The following PLEKHA2 variants were observed in gnomAD, a reference collection of about 807,000 sequenced individuals.
The protein encoded by PLEKHA2 is pleckstrin homology domain containing A2, also known as pleckstrin homology domain-containing family A member 2.
PLEKHA2 carries 28 observed loss-of-function variants against 53.2 expected under a neutral mutation model. The observed-to-expected ratio is 0.53, with a 90% CI of 0.39 to 0.72. The LOEUF is 0.72. Among genes scored for constraint, PLEKHA2 ranks in the 30% least tolerant of loss-of-function variants. The probability of loss-of-function intolerance (pLI) is 0.00; values close to 1 mark genes in which losing one functional copy is unlikely to be tolerated. For synonymous variants in PLEKHA2, 193 were observed against 196.4 expected (o/e 0.98, Z 0.14); for missense variants, 426 against 537.9 (o/e 0.79, Z 2.06).
chr8:38,930,266 A>G (rs532013213), intron 2 of PLEKHA2, among the ~76,000 whole-genome samples: 2 of 152,064 alleles, frequency 1.3e-5, no homozygotes, highest in Non-Finnish European at 2.9e-5. Flanking sequence ...CAGTGGCGCA[A>G]TCTCGGCTCA....
intron 10 of PLEKHA2, among the ~76,000 whole-genome samples, chr8:38,968,152 T>C (rs1835175247): frequency 6.6e-6 from 1 of 152,172 alleles, no homozygotes; most frequent in Non-Finnish European, 1.5e-5. Context: ...GATTATTCTG[T>C]TCAGATAGTT....
At chr8:38,955,951 T>C (rs1314571191) in intron 9 of PLEKHA2, among the ~76,000 whole-genome samples, 1 of 152,154 alleles carries the variant, frequency 6.6e-6, no homozygotes, top group Non-Finnish European at 1.5e-5. Context: ...GCTGGGACTA[T>C]AGATGTGTGC....
intron 3 of PLEKHA2, among the ~76,000 whole-genome samples, chr8:38,941,616 G>T (rs1834614276): frequency 6.6e-6 from 1 of 152,194 alleles, no homozygotes; most frequent in Non-Finnish European, 1.5e-5. Flanking sequence ...TTTGCCCGTA[G>T]TTCCAGGTGG....
intron 5 of PLEKHA2, among the ~76,000 whole-genome samples, chr8:38,949,982 C>T (rs1007934377): frequency 6.6e-6 from 1 of 152,184 alleles, no homozygotes; most frequent in Non-Finnish European, 1.5e-5. Context: ...GCATTTTTAC[C>T]TGTTCAATCT....
chr8:38,948,290 A>C (rs1012961017), intron 5 of PLEKHA2, among the ~76,000 whole-genome samples: 9 of 152,192 alleles, frequency 5.9e-5, no homozygotes, highest in Admixed American at 2.0e-4. Context: ...AGGTCGTGAC[A>C]TGCAGCAACA....
rs1048793087 is a variant in PLEKHA2, at chr8:38,970,089, G to C, written c.*306G>C. 1.5e-5 allele frequency: 7 copies of C among 473,166 alleles called. No homozygotes were observed. The highest frequency in any genetic ancestry group is 4.1e-5 in the African/African-American group (2 of 49,176). 29.3% of individuals were successfully genotyped at this position (473,166 alleles called of 1,614,324 possible). A position where few individuals can be genotyped will look rare whatever the true frequency, so the allele number is the denominator to read the frequency against. On this transcript the variant is annotated 3_prime_UTR_variant, in exon 12 of 12. Coordinates refer to ENST00000617275, the MANE Select transcript of PLEKHA2 (RefSeq NM_021623.2). ...TTCTAACTATTCTGAGGTCTTCCTGGAGAGGGATTGTTTTAGCAGCTCCTC... is the reference window on the plus strand; with the variant it reads ...TTCTAACTATTCTGAGGTCTTCCTGCAGAGGGATTGTTTTAGCAGCTCCTC...
intron 10 of PLEKHA2, 110 bp from the exon 11 acceptor site, chr8:38,968,482 C>A: frequency 1.0e-6 from 1 of 990,430 alleles, no homozygotes; most frequent in South Asian, 1.5e-5. Flanking sequence ...TTCTGGGATG[C>A]TTTCTACCCC....
intron 2 of PLEKHA2, among the ~76,000 whole-genome samples, chr8:38,920,392 T>C (rs1217530201): frequency 6.6e-6 from 1 of 151,982 alleles, no homozygotes; most frequent in African/African-American, 2.4e-5. Context: ...CTGACCTCCT[T>C]ATCTGCCCAC....
intron 10 of PLEKHA2, among the ~76,000 whole-genome samples, chr8:38,967,275 A>G (rs1337381433): frequency 1.3e-5 from 2 of 152,210 alleles, no homozygotes; most frequent in African/African-American, 4.8e-5. Context: ...TCTTTTTGAT[A>G]TAATGATTTC....
chr8:38,905,227 TG>T (rs1237165824), intron 1 of PLEKHA2, among the ~76,000 whole-genome samples: 2 of 151,794 alleles, frequency 1.3e-5, no homozygotes, highest in Non-Finnish European at 2.9e-5. Context: ...GAGGCTGAGG[TG>T]GGGGGGATCA....
At chr8:38,934,738 A>G (rs1247047249) in intron 2 of PLEKHA2, among the ~76,000 whole-genome samples, 1 of 152,098 alleles carries the variant, frequency 6.6e-6, no homozygotes, top group Non-Finnish European at 1.5e-5. Context: ...GTGATAGTGC[A>G]TTCACTTCAT....
At chr8:38,916,842 C>T (rs1009741615) in intron 1 of PLEKHA2, among the ~76,000 whole-genome samples, 1 of 152,156 alleles carries the variant, frequency 6.6e-6, no homozygotes, top group Non-Finnish European at 1.5e-5. Context: ...TTTGAGGAAT[C>T]TCCAAACTGT....
At chr8:38,936,534 G>A (rs1834497909) in intron 3 of PLEKHA2, among the ~76,000 whole-genome samples, 1 of 152,220 alleles carries the variant, frequency 6.6e-6, no homozygotes. Flanking sequence ...GGCTAAGAAG[G>A]CCCTGAGAAG....
intron 3 of PLEKHA2, among the ~76,000 whole-genome samples, chr8:38,940,124 G>T (rs559774294): frequency 1.4e-5 from 2 of 147,886 alleles, no homozygotes; most frequent in Non-Finnish European, 1.5e-5. Flanking sequence ...AGGGCCAGGC[G>T]TGGTGGCTCA....
intron 1 of PLEKHA2, among the ~76,000 whole-genome samples, chr8:38,902,505 G>A (rs901998657): frequency 6.6e-6 from 1 of 152,192 alleles, no homozygotes; most frequent in African/African-American, 2.4e-5. Flanking sequence ...GAAGAGGGAG[G>A]GGAGAGCACC....
chr8:38,935,902 G>C, intron 2 of PLEKHA2, 92 bp from the exon 3 acceptor site: 1 of 1,222,568 alleles, frequency 8.2e-7, no homozygotes, highest in Non-Finnish European at 1.2e-6. Context: ...GTGTTGCCAG[G>C]AAAGTGGCAT....
rs755712798 is a variant in PLEKHA2, at chr8:38,952,221, G to A, written c.542G>A (p.Arg181Lys). The A allele has an allele frequency of 1.2e-6, 2 of 1,613,188 alleles. No homozygotes were observed. The highest frequency in any genetic ancestry group is 1.7e-6 in the Non-Finnish European group (2 of 1,179,656). ...SEPGSHTILRRSQSYIPTSGC... is the reference protein window; with the variant it reads ...SEPGSHTILRKSQSYIPTSGC... Reference sequence around the variant, plus strand: ...CCCGGGTCCCACACCATCCTTCGAAGGTCTCAGAGTTACATCCCCACGTCA... The same window carrying A: ...CCCGGGTCCCACACCATCCTTCGAAAGTCTCAGAGTTACATCCCCACGTCA... The change falls in exon 7 of 12, where the codon AGG becomes AAG. Residue 181 changes from arginine to lysine, a missense_variant. Arg to Lys is a conservative substitution (Grantham distance 26). Transcript: ENST00000617275.
chr8:38,961,705 C>T (rs1241149717), intron 10 of PLEKHA2, among the ~76,000 whole-genome samples: 1 of 152,100 alleles, frequency 6.6e-6, no homozygotes, highest in Admixed American at 6.6e-5. Context: ...CAGAAAGAAC[C>T]GTTCATCCTG....
At chr8:38,932,188 G>A (rs558455105) in intron 2 of PLEKHA2, among the ~76,000 whole-genome samples, 71 of 152,228 alleles carry the variant, frequency 4.7e-4, no homozygotes, top group South Asian at 3.3e-3. Flanking sequence ...TAGAGACAGA[G>A]TCTTGCTGTG....
Sources: gnomAD v4.1 joint callset for allele counts (sites outside exome capture counted in the v4.1 genomes callset) on GRCh38, gnomAD v4.1.1 for gene constraint, MANE v1.5 for transcripts, NCBI Gene and HGNC (gene_info 2026-07-23, HGNC 2026-07-21) for gene names.